Variants in PRKCA observed in about 807,000 individuals in gnomAD.
PRKCA encodes the protein protein kinase C alpha type.
PRKCA carries 27 observed loss-of-function variants against 87.0 expected under a neutral mutation model. The observed-to-expected ratio is 0.31, with a 90% confidence interval of 0.23 to 0.43. PRKCA has a LOEUF of 0.43. Ranked by LOEUF, PRKCA falls within the 20% of genes least tolerant of loss-of-function variation. PRKCA has a pLI of 1.00. For synonymous variants in PRKCA, 329 were observed against 311.1 expected, an observed-to-expected ratio of 1.06 and a Z score of -0.61; for missense variants, 518 against 852.3, an observed-to-expected ratio of 0.61 and a Z score of 4.88.
intron 2 of PRKCA, among the ~76,000 whole-genome samples, chr17:66,340,522 C>A (rs1478181219): frequency 6.6e-6 from 1 of 151,880 alleles, no homozygotes; most frequent in Non-Finnish European, 1.5e-5. Flanking sequence ...ACAGTGATTT[C>A]TTTTTTCTCC....
chr17:66,678,198 G>A (rs1224935641), intron 5 of PRKCA, among the ~76,000 whole-genome samples: 3 of 152,170 alleles, frequency 2.0e-5, no homozygotes, highest in African/African-American at 7.2e-5. Flanking sequence ...AGAGAAGAAG[G>A]TGATGTGGCC....
At chr17:66,638,290 A>T (rs1044342711) in intron 3 of PRKCA, 4 of 152,118 alleles carry the variant, frequency 2.6e-5, no homozygotes, top group African/African-American at 9.7e-5. Context: ...GAAGCAGCAC[A>T]AATACAAAAC....
rs143889110 is a variant in PRKCA, at chr17:66,792,171, C to T, written c.1854+3192C>T. 0.012 allele frequency among the ~76,000 whole-genome samples: 1,764 copies of T among 152,244 alleles called. 19 individuals carry two copies. The highest frequency in any genetic ancestry group is 0.034 in the Middle Eastern group (10 of 294). On this transcript the variant is annotated intron_variant, in intron 16 of 16. Transcript: ENST00000413366. The surrounding 1 kb of genome is among the most constrained non-coding windows in gnomAD (Gnocchi z 4.5). ...GGTTTTTTAGCAAGCGCTGGTGAGT[C>T]AGTTTCCCTGAGACTTGCAGGCTTA... is the stretch of plus-strand genomic sequence containing the variant.
chr17:66,535,192 G>A (rs1470703783), intron 3 of PRKCA, among the ~76,000 whole-genome samples: 10 of 152,280 alleles, frequency 6.6e-5, no homozygotes, highest in African/African-American at 1.9e-4. Context: ...TTGAACCTGC[G>A]TTGTGATTTG....
chr17:66,745,809 G>T (rs751961048), intron 13 of PRKCA, among the ~76,000 whole-genome samples: 14 of 152,276 alleles, frequency 9.2e-5, no homozygotes, highest in Non-Finnish European at 2.1e-4. Flanking sequence ...CGTGTCTAAG[G>T]CCACGTTACT....
chr17:66,470,857 C>T (rs1000671599), intron 2 of PRKCA, among the ~76,000 whole-genome samples: 2 of 152,144 alleles, frequency 1.3e-5, no homozygotes, highest in Admixed American at 1.3e-4. Context: ...CGGCTTCCGC[C>T]CTTGTAGGCT....
intron 2 of PRKCA, among the ~76,000 whole-genome samples, chr17:66,312,196 G>A (rs1905119543): frequency 1.3e-5 from 2 of 152,110 alleles, no homozygotes; most frequent in Non-Finnish European, 2.9e-5. Context: ...TGGCCAGGCT[G>A]GTCTTGAACT....
chr17:66,314,979 A>ATG (rs1244113567), intron 2 of PRKCA, among the ~76,000 whole-genome samples: 5 of 149,532 alleles, frequency 3.3e-5, no homozygotes, highest in Non-Finnish European at 7.4e-5. Flanking sequence ...ATATGTGTGT[A>ATG]TGTATGTGTA....
At chr17:66,348,102 C>A (rs902620275) in intron 2 of PRKCA, among the ~76,000 whole-genome samples, 1 of 151,654 alleles carries the variant, frequency 6.6e-6, no homozygotes, top group Non-Finnish European at 1.5e-5. Context: ...CCACCACGCC[C>A]GGCTAATTTT....
At chr17:66,331,678 T>C (rs541082988) in intron 2 of PRKCA, among the ~76,000 whole-genome samples, 9 of 152,264 alleles carry the variant, frequency 5.9e-5, no homozygotes, top group African/African-American at 1.9e-4. Context: ...CTCAAAGTCA[T>C]TGGGCAGAGA....
intron 2 of PRKCA, among the ~76,000 whole-genome samples, chr17:66,428,122 C>T (rs986952274): frequency 1.3e-5 from 2 of 152,082 alleles, no homozygotes; most frequent in Non-Finnish European, 2.9e-5. Context: ...ACAGTAATTG[C>T]CCGACTCACG....
rs144348821 is a variant in PRKCA at position 66,405,567 on chromosome 17, C to A, written c.206-90634C>A. 5.7e-3 allele frequency among the ~76,000 whole-genome samples: 869 copies of A among 152,248 alleles called. 43 individuals are homozygous for A. Among genetic ancestry groups the A allele is most frequent in the Admixed American group, 0.054 (833 of 15,300 alleles). ...ATAATAGGGAGAAAAAAAAAACCAA[C>A]CCTTGTGTAATTGCTATTTGAATTT... is the stretch of plus-strand genomic sequence containing the variant. On this transcript the variant is annotated intron_variant, in intron 2 of 16. Coordinates refer to ENST00000413366, the MANE Select transcript of PRKCA (RefSeq NM_002737.3).
Position 66,732,608 on chromosome 17 carries a change from T to A in PRKCA, c.919-80T>A, listed in dbSNP as rs1365162301. On this transcript the variant is annotated intron_variant, in intron 8 of 16. Transcript: ENST00000413366. ...TCCCACCTCCAAGCAAACATTAAACTCAGTTACAACACGGTGGTTTCTGTC... is the reference window on the plus strand; with the variant it reads ...TCCCACCTCCAAGCAAACATTAAACACAGTTACAACACGGTGGTTTCTGTC... The A allele has an allele frequency of 3.8e-6, 6 of 1,564,250 alleles. No homozygotes were observed. In the East Asian group the frequency reaches 1.3e-4, roughly 35 times the overall value.
chr17:66,444,779 ACTCCCACTTCTGAAGCCCTTGTTTGCAC>A (rs1913947248), intron 2 of PRKCA, among the ~76,000 whole-genome samples: 1 of 152,062 alleles, frequency 6.6e-6, no homozygotes, highest in Non-Finnish European at 1.5e-5. Flanking sequence ...GTCAAAAGAT[ACTCCCACTTCTGAAGCCCTTGTTTGCAC>A]CTGGTGGAGA....
At chr17:66,796,410 T>G (rs1340350775) in intron 16 of PRKCA, 5 of 983,690 alleles carry the variant, frequency 5.1e-6, no homozygotes, top group Non-Finnish European at 6.0e-6. Flanking sequence ...AACTGACTAT[T>G]CTCCAAATCC....
At chr17:66,726,906 G>A (rs1033583291) in intron 8 of PRKCA, among the ~76,000 whole-genome samples, 1 of 152,064 alleles carries the variant, frequency 6.6e-6, no homozygotes, top group Non-Finnish European at 1.5e-5. Context: ...GTATTTTTTG[G>A]TAGAGACGGG....
rs528987256 is a variant in PRKCA, at chr17:66,547,137, G to T, written c.288+50854G>T. Among the ~76,000 whole-genome samples, 11 of 152,106 alleles carry T rather than the reference G, an allele frequency of 7.2e-5. No individual in the cohort carries two copies. The South Asian group carries it at 2.3e-3, about 32-fold the overall frequency. ...CTATCTACCTTCCTTTCTCACTTAG[G>T]TATCGTGTTTATGTCTCCAGATATG... On this transcript the variant is annotated intron_variant, in intron 3 of 16. Coordinates refer to ENST00000413366, the MANE Select transcript of PRKCA (RefSeq NM_002737.3).
intron 3 of PRKCA, among the ~76,000 whole-genome samples, chr17:66,635,869 T>C (rs1971138920): frequency 6.6e-6 from 1 of 152,192 alleles, no homozygotes; most frequent in Admixed American, 6.5e-5. Context: ...ATGTTATCAC[T>C]GGGGAAGCTG....
intron 3 of PRKCA, among the ~76,000 whole-genome samples, chr17:66,564,452 G>A (rs62071705): frequency 0.13 from 19,602 of 152,074 alleles, 1,340 homozygotes; most frequent in Middle Eastern, 0.22. Flanking sequence ...TCTGTTGGGT[G>A]GTGCTTCTGG....
Sources: allele counts gnomAD v4.1 joint callset (sites outside exome capture counted in the v4.1 genomes callset), GRCh38; gene constraint gnomAD v4.1.1; non-coding constraint Gnocchi (gnomAD v3.1); transcripts MANE v1.5; gene names NCBI Gene and HGNC (gene_info 2026-07-23, HGNC 2026-07-21).